Variants in EFCAB7 observed in about 807,000 individuals in gnomAD.
EFCAB7 encodes the protein EF-hand calcium-binding domain-containing protein 7.
A neutral mutation model predicts 77.1 loss-of-function variants in EFCAB7; 66 were observed. That is an observed-to-expected ratio of 0.86 (90% confidence interval 0.70 to 1.05). The LOEUF (loss-of-function observed/expected upper bound fraction) is 1.05, where lower values mean the gene tolerates loss of function less well. Ranked by LOEUF, EFCAB7 falls within the 50% of genes least tolerant of loss-of-function variation. EFCAB7 has a pLI of 0.00. For missense variants in EFCAB7, 638 were observed against 730.5 expected, an observed-to-expected ratio of 0.87 and a Z score of 1.46; for synonymous variants, 225 against 243.3, an observed-to-expected ratio of 0.92 and a Z score of 0.70.
At chr1:63,535,530 C>T (rs1465075012) in intron 6 of EFCAB7, among the ~76,000 whole-genome samples, 1 of 151,956 alleles carries the variant, frequency 6.6e-6, no homozygotes, top group East Asian at 1.9e-4. Flanking sequence ...GGGTAGAGAT[C>T]TACCTGGGCT....
Position 63,563,746 on chromosome 1 carries a change from A to C in EFCAB7, c.1497+1889A>C, listed in dbSNP as rs217475. ...TAAATTTCTTTATTGTTTCTTATTA[A>C]ATTCTTATTACTTATTTCTTTATTT... On this transcript the variant is annotated intron_variant, in intron 11 of 13. Transcript: ENST00000371088. Among the ~76,000 whole-genome samples, 269 of 152,198 alleles carry C rather than the reference A, an allele frequency of 1.8e-3. 1 individual carries two copies. Among genetic ancestry groups the C allele is most frequent in the African/African-American group, 6.3e-3 (262 of 41,532 alleles).
intron 1 of EFCAB7, among the ~76,000 whole-genome samples, chr1:63,524,363 G>A (rs938266864): frequency 6.6e-6 from 1 of 152,120 alleles, no homozygotes; most frequent in Non-Finnish European, 1.5e-5. Context: ...ATCCCTGTGG[G>A]GTCCTTCTAA....
At chr1:63,585,210 T>C in the EFCAB7 span, among the ~76,000 whole-genome samples, 3 of 151,994 alleles carry the variant, frequency 2.0e-5, no homozygotes, top group South Asian at 2.1e-4. Context: ...TCAGTTTACC[T>C]ATTCTTGGTT....
chr1:63,536,100 G>A (rs188517567), intron 6 of EFCAB7, among the ~76,000 whole-genome samples: 1 of 152,130 alleles, frequency 6.6e-6, no homozygotes, highest in Non-Finnish European at 1.5e-5. Context: ...TGATAATTGG[G>A]AATTAGGTAA....
intron 11 of EFCAB7, among the ~76,000 whole-genome samples, chr1:63,567,811 T>C (rs1647187201): frequency 6.6e-6 from 1 of 152,178 alleles, no homozygotes; most frequent in Non-Finnish European, 1.5e-5. Context: ...CTAAGGTAGA[T>C]ATTAGAAAAA....
At position 63,561,823 on chromosome 1, in the gene EFCAB7, C is replaced by G; in HGVS notation, c.1463C>G (p.Ser488Cys). 6.3e-7 allele frequency: 1 copy of G among 1,597,436 alleles called. No homozygotes were observed. The highest frequency in any genetic ancestry group is 8.5e-7 in the Non-Finnish European group (1 of 1,171,080). The change falls in exon 11 of 14, where the codon TCT becomes TGT. Residue 488 changes from serine to cysteine, a missense_variant. Ser to Cys is a moderately radical substitution (Grantham distance 112). Coordinates refer to ENST00000371088, the MANE Select transcript of EFCAB7 (RefSeq NM_032437.4). ...TGTGACCTTTGGGTAACTCTACACT[C>G]TATGGGCTACAATAAAGCTCTGGAG... ...DPCDLWVTLHSMGYNKALELT... is the reference protein window; with the variant it reads ...DPCDLWVTLHCMGYNKALELT...
intron 7 of EFCAB7, chr1:63,548,515 G>C (rs1331905857): frequency 6.6e-6 from 1 of 152,054 alleles, no homozygotes; most frequent in Non-Finnish European, 1.5e-5. Context: ...GAGCTTCTTG[G>C]ATATGTGGCT....
At chr1:63,535,567 C>G (rs1235628912) in intron 6 of EFCAB7, among the ~76,000 whole-genome samples, 1 of 151,974 alleles carries the variant, frequency 6.6e-6, no homozygotes, top group East Asian at 1.9e-4. Flanking sequence ...CACTTAATAA[C>G]TGTGTGATCT....
At chr1:63,536,030 G>A (rs943204823) in intron 6 of EFCAB7, among the ~76,000 whole-genome samples, 4 of 152,112 alleles carry the variant, frequency 2.6e-5, no homozygotes, top group African/African-American at 9.7e-5. Flanking sequence ...AAGTCATAAC[G>A]ATTATTTAAC....
chr1:63,534,851 T>C (rs1325731586), intron 6 of EFCAB7, among the ~76,000 whole-genome samples: 1 of 152,086 alleles, frequency 6.6e-6, no homozygotes, highest in Non-Finnish European at 1.5e-5. Context: ...AAATAACAAC[T>C]CTGTATTTGT....
chr1:63,555,338 T>G lies in EFCAB7; in HGVS notation c.1057-20T>G. The G allele has an allele frequency of 6.3e-7, 1 of 1,592,228 alleles. No individual in the cohort carries two copies. Among genetic ancestry groups the G allele is most frequent in the Non-Finnish European group, 8.5e-7 (1 of 1,171,352 alleles). ...AAGATTAAGACTGATGATTGTTTTA[T>G]TTCATTGTTTTGAGAAAAGGTGTTT... On this transcript the variant is annotated intron_variant, in intron 8 of 13. Coordinates refer to ENST00000371088, the MANE Select transcript of EFCAB7 (RefSeq NM_032437.4).
chr1:63,531,686 A>G, intron 2 of EFCAB7, 134 bp from the exon 3 acceptor site: 2 of 793,790 alleles, frequency 2.5e-6, no homozygotes, highest in Non-Finnish European at 4.0e-6. Flanking sequence ...AGATAAGTCA[A>G]CACCAAAGTA....
chr1:63,534,023 C>T (rs1244854326), intron 5 of EFCAB7, 72 bp from the exon 6 acceptor site: 4 of 1,526,532 alleles, frequency 2.6e-6, no homozygotes, highest in Non-Finnish European at 3.6e-6. Context: ...TTTTATACTG[C>T]ACTGTGTTTG....
chr1:63,536,604 C>T (rs570578858), intron 6 of EFCAB7: 29 of 152,248 alleles, frequency 1.9e-4, no homozygotes, highest in African/African-American at 6.7e-4. Flanking sequence ...TGGTCTCGAG[C>T]TCCTGACCTC....
At chr1:63,573,784 C>T (rs1354876617), downstream of EFCAB7, among the ~76,000 whole-genome samples, 1 of 152,142 alleles carries the variant, frequency 6.6e-6, no homozygotes, top group Non-Finnish European at 1.5e-5. Flanking sequence ...GTAGCATTCC[C>T]AGGACAGGCC....
the EFCAB7 span, among the ~76,000 whole-genome samples, chr1:63,581,167 C>T: frequency 6.6e-6 from 1 of 152,004 alleles, no homozygotes. Flanking sequence ...GTGGGGAAAG[C>T]ATTCAGTCTT....
chr1:63,535,426 GTATT>G (rs1437544868), intron 6 of EFCAB7, among the ~76,000 whole-genome samples: 3 of 152,058 alleles, frequency 2.0e-5, no homozygotes, highest in African/African-American at 7.2e-5. Context: ...CTATAGCATA[GTATT>G]TATTCATTCA....
At chr1:63,580,398 T>C in the EFCAB7 span, among the ~76,000 whole-genome samples, 2 of 152,132 alleles carry the variant, frequency 1.3e-5, no homozygotes, top group East Asian at 3.8e-4. Flanking sequence ...TTTGCATGAG[T>C]CTATTTCTGA....
chr1:63,574,867 G>A (rs557393044), downstream of EFCAB7, among the ~76,000 whole-genome samples: 1 of 152,302 alleles, frequency 6.6e-6, no homozygotes, highest in South Asian at 2.1e-4. Context: ...TTAAGGCAGT[G>A]AGTTCAGCTT....
Sources: allele counts gnomAD v4.1 joint callset (sites outside exome capture counted in the v4.1 genomes callset), GRCh38; gene constraint gnomAD v4.1.1; transcripts MANE v1.5; gene names NCBI Gene and HGNC (gene_info 2026-07-23, HGNC 2026-07-21).